Variants in UNC5C observed in about 807,000 individuals in gnomAD.
UNC5C encodes netrin receptor UNC5C.
A neutral mutation model predicts 99.8 loss-of-function variants in UNC5C; 47 were observed. The observed-to-expected ratio is 0.47, with a 90% CI of 0.37 to 0.60. The LOEUF is 0.60. Ranked by LOEUF, UNC5C falls within the 20% of genes least tolerant of loss-of-function variation. The probability of loss-of-function intolerance (pLI) is 0.00; values close to 1 mark genes in which losing one functional copy is unlikely to be tolerated. For synonymous variants in UNC5C, 487 were observed against 452.2 expected, an observed-to-expected ratio of 1.08 and a Z score of -0.98; for missense variants, 1,062 against 1,165.9, an observed-to-expected ratio of 0.91 and a Z score of 1.30.
At chr4:95,408,481 T>C (rs1342283728) in intron 1 of UNC5C, among the ~76,000 whole-genome samples, 1 of 152,206 alleles carries the variant, frequency 6.6e-6, no homozygotes, top group Non-Finnish European at 1.5e-5. Flanking sequence ...CTATAGAATC[T>C]TTTTGAATTG....
intron 1 of UNC5C, among the ~76,000 whole-genome samples, chr4:95,457,180 T>G (rs1163023968): frequency 6.6e-6 from 1 of 152,180 alleles, no homozygotes; most frequent in East Asian, 1.9e-4. Flanking sequence ...CATTTCAATT[T>G]GAATTGAGAA....
intron 1 of UNC5C, among the ~76,000 whole-genome samples, chr4:95,490,558 C>T (rs545242075): frequency 6.6e-6 from 1 of 151,642 alleles, no homozygotes; most frequent in South Asian, 2.1e-4. Context: ...AGTGAGTTAC[C>T]TTATTGCTTC....
chr4:95,464,998 C>CT (rs1230869413), intron 1 of UNC5C, among the ~76,000 whole-genome samples: 1 of 152,044 alleles, frequency 6.6e-6, no homozygotes, highest in Non-Finnish European at 1.5e-5. Context: ...TCTTGTGGAG[C>CT]TTTTCACAGA....
At chr4:95,243,385 A>T (rs1459989385) in intron 6 of UNC5C, among the ~76,000 whole-genome samples, 1 of 152,184 alleles carries the variant, frequency 6.6e-6, no homozygotes, top group Non-Finnish European at 1.5e-5. Flanking sequence ...CACACAACTT[A>T]AGTCTCAGTT....
intron 7 of UNC5C, among the ~76,000 whole-genome samples, chr4:95,221,731 G>T (rs897996820): frequency 6.6e-6 from 1 of 152,174 alleles, no homozygotes; most frequent in Non-Finnish European, 1.5e-5. Flanking sequence ...TTGGGTGAGT[G>T]CTGCTTTCAA....
chr4:95,442,758 G>A (rs4699266), intron 1 of UNC5C, among the ~76,000 whole-genome samples: 46,751 of 151,938 alleles, frequency 0.31, 7,813 homozygotes, highest in South Asian at 0.44. Flanking sequence ...AATTAGTAAT[G>A]TATGCAGACG....
chr4:95,531,506 A>G (rs1054928601), intron 1 of UNC5C, among the ~76,000 whole-genome samples: 2 of 152,202 alleles, frequency 1.3e-5, no homozygotes, highest in Non-Finnish European at 2.9e-5. Flanking sequence ...GCAGTGTAGC[A>G]TAATCCACAA....
chr4:95,539,262 C>A (rs1347628680), intron 1 of UNC5C, among the ~76,000 whole-genome samples: 1 of 152,150 alleles, frequency 6.6e-6, no homozygotes, highest in African/African-American at 2.4e-5. Context: ...TGTAGGAAAA[C>A]AACAGCAGTT....
intron 4 of UNC5C, among the ~76,000 whole-genome samples, chr4:95,259,977 A>T (rs1740160003): frequency 1.3e-5 from 2 of 152,068 alleles, no homozygotes; most frequent in South Asian, 4.1e-4. Context: ...TGGCATACAC[A>T]TCATTAGCTT....
intron 2 of UNC5C, among the ~76,000 whole-genome samples, chr4:95,328,040 C>CTTTTTTTTTTTTTTTTTTTTTTTTTTTT (rs34794058): frequency 4.6e-5 from 4 of 87,094 alleles, no homozygotes; most frequent in Non-Finnish European, 8.8e-5. Flanking sequence ...CAGGCAACTT[C>CTTTTTTTTTTTTTTTTTTTTTTTTTTTT]TTTTTTTTTT....
At chr4:95,193,728 C>T (rs1400614512) in intron 12 of UNC5C, among the ~76,000 whole-genome samples, 4 of 152,152 alleles carry the variant, frequency 2.6e-5, no homozygotes, top group African/African-American at 7.2e-5. Flanking sequence ...AAAGAGCGGC[C>T]GCCCTTCTCT....
At chr4:95,186,966 C>G (rs1353469679) in intron 12 of UNC5C, among the ~76,000 whole-genome samples, 2 of 152,132 alleles carry the variant, frequency 1.3e-5, no homozygotes, top group East Asian at 3.9e-4. Context: ...ACGCTCCTCA[C>G]AGAACGTGGC....
chr4:95,255,625 C>T (rs1055069964), intron 4 of UNC5C, among the ~76,000 whole-genome samples: 4 of 151,034 alleles, frequency 2.6e-5, no homozygotes, highest in African/African-American at 9.8e-5. Context: ...TCTGTCACCT[C>T]GGATTTGTAC....
At chr4:95,411,938 C>T (rs916548545) in intron 1 of UNC5C, among the ~76,000 whole-genome samples, 3 of 150,908 alleles carry the variant, frequency 2.0e-5, no homozygotes, top group African/African-American at 7.3e-5. Context: ...TCCCTGGCCT[C>T]TTGTCATCAC....
At chr4:95,467,431 C>T (rs1481872433) in intron 1 of UNC5C, among the ~76,000 whole-genome samples, 3 of 152,056 alleles carry the variant, frequency 2.0e-5, no homozygotes, top group Admixed American at 2.0e-4. Flanking sequence ...GAGAATGGGG[C>T]TGGGAGAAGC....
intron 2 of UNC5C, among the ~76,000 whole-genome samples, chr4:95,303,858 T>G (rs1351883317): frequency 1.3e-5 from 2 of 152,208 alleles, no homozygotes; most frequent in Non-Finnish European, 2.9e-5. Context: ...TCTTTATAGT[T>G]TAATAAGTTC....
chr4:95,209,564 C>T (rs529063684), intron 10 of UNC5C, among the ~76,000 whole-genome samples: 288 of 152,316 alleles, frequency 1.9e-3, no homozygotes, highest in Admixed American at 5.7e-3. Flanking sequence ...TAACAATACC[C>T]TTTCCTCCAT....
At chr4:95,365,356 A>G (rs1220376495) in intron 1 of UNC5C, among the ~76,000 whole-genome samples, 2 of 148,054 alleles carry the variant, frequency 1.4e-5, no homozygotes, top group Non-Finnish European at 3.0e-5. Context: ...ACAATAAAAA[A>G]TTATATAACA....
chr4:95,182,620 C>T (rs1736657379), intron 14 of UNC5C, among the ~76,000 whole-genome samples: 1 of 152,118 alleles, frequency 6.6e-6, no homozygotes, highest in Admixed American at 6.5e-5. Flanking sequence ...ACTTGAAATT[C>T]AGATCTGTTT....
Sources: gnomAD v4.1 joint callset for allele counts (sites outside exome capture counted in the v4.1 genomes callset) on GRCh38, gnomAD v4.1.1 for gene constraint, MANE v1.5 for transcripts, NCBI Gene and HGNC (gene_info 2026-07-23, HGNC 2026-07-21) for gene names.